TMC1: variants seen among roughly 807,000 people sequenced by gnomAD.
TMC1 encodes transmembrane channel-like protein 1.
In TMC1, 84 loss-of-function variants were observed where a neutral mutation model predicts 105.8. That is an observed-to-expected ratio of 0.79 (90% CI 0.67 to 0.95). TMC1 has a LOEUF of 0.95. TMC1 is among the 40% of genes least tolerant of loss of function. The pLI is 0.00. For missense variants in TMC1, 817 were observed against 914.1 expected (o/e 0.89, Z 1.37); for synonymous variants, 315 against 311.5 (o/e 1.01, Z -0.12).
intron 15 of TMC1, among the ~76,000 whole-genome samples, chr9:72,790,870 A>AATAT (rs1828255249): frequency 6.6e-6 from 1 of 152,166 alleles, no homozygotes; most frequent in Admixed American, 6.5e-5. Context: ...ATACTTATAT[A>AATAT]ATGTTTTAAT....
At chr9:72,583,855 A>G (rs1413261237) in intron 2 of TMC1, among the ~76,000 whole-genome samples, 2 of 116,238 alleles carry the variant, frequency 1.7e-5, no homozygotes, top group African/African-American at 4.9e-5. Context: ...TGAAATTATT[A>G]TGGAAAAAGT....
intron 12 of TMC1, among the ~76,000 whole-genome samples, chr9:72,760,267 A>C (rs970276589): frequency 1.3e-5 from 2 of 152,164 alleles, no homozygotes; most frequent in African/African-American, 4.8e-5. Flanking sequence ...TCCTCTGAAC[A>C]ATGACTTCAT....
At chr9:72,796,716 C>A (rs1828377210) in intron 17 of TMC1, among the ~76,000 whole-genome samples, 1 of 152,148 alleles carries the variant, frequency 6.6e-6, no homozygotes, top group East Asian at 1.9e-4. Flanking sequence ...ATTGAAGGAA[C>A]ATACCTCAAA....
chr9:72,598,146 C>T (rs1564434589), intron 2 of TMC1, among the ~76,000 whole-genome samples: 1 of 152,176 alleles, frequency 6.6e-6, no homozygotes, highest in African/African-American at 2.4e-5. Context: ...TGGCTATCAT[C>T]TTTTGCTTTC....
chr9:72,700,221 A>C (rs113342296), intron 7 of TMC1, among the ~76,000 whole-genome samples: 48 of 151,434 alleles, frequency 3.2e-4, no homozygotes, highest in African/African-American at 1.1e-3. Context: ...ATTGCACTAC[A>C]GCCTGGGTGA....
rs184331510 is a variant in TMC1 at position 72,717,021 on chromosome 9, C to T, written c.362+16378C>T. Among the ~76,000 whole-genome samples the T allele has an allele frequency of 2.2e-3, 342 of 152,304 alleles. 2 individuals are homozygous for T. Among genetic ancestry groups the T allele is most frequent in the African/African-American group, 8.1e-3 (335 of 41,572 alleles). On this transcript the variant is annotated intron_variant, in intron 8 of 23. Transcript: ENST00000297784. ...TCCCTTGGCTAGGAGAGGGAGTTCC[C>T]TGATCCCTTGCACTTCCTGGGTGAG...
intron 1 of TMC1, among the ~76,000 whole-genome samples, chr9:72,552,428 G>T (rs1221643865): frequency 6.6e-6 from 1 of 152,162 alleles, no homozygotes; most frequent in Non-Finnish European, 1.5e-5. Flanking sequence ...GGATAGAGGA[G>T]TCTGGAGACC....
At chr9:72,664,695 C>T (rs1355714971) in intron 5 of TMC1, among the ~76,000 whole-genome samples, 2 of 152,156 alleles carry the variant, frequency 1.3e-5, no homozygotes, top group African/African-American at 4.8e-5. Flanking sequence ...TCTCTCACTC[C>T]ATCCCCTTTC....
rs143704816 is a variant in TMC1, at chr9:72,612,023, G to C, written c.-305-4345G>C. Among the ~76,000 whole-genome samples, 284 of 152,230 alleles carry C rather than the reference G, an allele frequency of 1.9e-3. 8 individuals are homozygous for C. The East Asian group carries it at 0.051, about 27-fold the overall frequency. On this transcript the variant is annotated intron_variant, in intron 2 of 23. Transcript: ENST00000297784. ...TGGGCTGCTTTGCCCTCCTGCTTCT[G>C]TTTGGATTTTGCCCTTGGGGAGCAC... is the stretch of plus-strand genomic sequence containing the variant.
intron 5 of TMC1, among the ~76,000 whole-genome samples, chr9:72,681,281 T>A (rs1231728862): frequency 6.6e-6 from 1 of 152,114 alleles, no homozygotes; most frequent in Non-Finnish European, 1.5e-5. Flanking sequence ...GTTCCCTCCC[T>A]CAAACAATCT....
At chr9:72,788,241 C>T in intron 13 of TMC1, 98 bp from the exon 14 acceptor site, 11 of 1,268,066 alleles carry the variant, frequency 8.7e-6, no homozygotes, top group Admixed American at 1.8e-5. Flanking sequence ...TGTCTTTTTG[C>T]TATTGCTTCT....
intron 1 of TMC1, among the ~76,000 whole-genome samples, chr9:72,529,309 C>T (rs1029084453): frequency 7.2e-5 from 11 of 151,940 alleles, no homozygotes; most frequent in Admixed American, 5.2e-4. Flanking sequence ...TATTCAAGCC[C>T]GGTGTGGTGG....
chr9:72,790,315 A>G (rs1828246010), intron 15 of TMC1, among the ~76,000 whole-genome samples: 1 of 152,226 alleles, frequency 6.6e-6, no homozygotes, highest in Non-Finnish European at 1.5e-5. Flanking sequence ...AAAGGTTCCA[A>G]ATAACATTCT....
chr9:72,708,548 A>C (rs982978593), intron 8 of TMC1, among the ~76,000 whole-genome samples: 1 of 151,146 alleles, frequency 6.6e-6, no homozygotes. Flanking sequence ...GGGGTTGAAT[A>C]GTTGATTTGA....
At chr9:72,657,980 G>T (rs1259163273) in intron 5 of TMC1, among the ~76,000 whole-genome samples, 1 of 152,008 alleles carries the variant, frequency 6.6e-6, no homozygotes, top group Non-Finnish European at 1.5e-5. Context: ...TCAGGCTGTG[G>T]TATGGGGAAA....
intron 5 of TMC1, among the ~76,000 whole-genome samples, chr9:72,663,399 A>G (rs1300085401): frequency 6.6e-6 from 1 of 152,184 alleles, no homozygotes; most frequent in Non-Finnish European, 1.5e-5. Context: ...GAAGTTGCAA[A>G]TCTTGTGGCT....
At position 72,714,470 on chromosome 9, in the gene TMC1, T is replaced by C. The variant is rs1418037533; in HGVS notation, c.362+13827T>C. 2.0e-5 allele frequency among the ~76,000 whole-genome samples: 3 copies of C among 152,250 alleles called. No individual in the cohort carries two copies. The South Asian group carries it at 6.2e-4, about 31-fold the overall frequency. ...CTCCTGTATTGGGTGCATATATATTTAGGATAGTTAGCTCTTCTTGTTGCA... is the reference window on the plus strand; with the variant it reads ...CTCCTGTATTGGGTGCATATATATTCAGGATAGTTAGCTCTTCTTGTTGCA... On this transcript the variant is annotated intron_variant, in intron 8 of 23. Transcript: ENST00000297784.
intron 2 of TMC1, among the ~76,000 whole-genome samples, chr9:72,615,208 C>T (rs1024048405): frequency 2.0e-5 from 3 of 152,096 alleles, no homozygotes; most frequent in Non-Finnish European, 4.4e-5. Flanking sequence ...AAACAACTTA[C>T]ATGTATTACT....
At chr9:72,774,666 A>G (rs1827980232) in intron 13 of TMC1, among the ~76,000 whole-genome samples, 1 of 152,126 alleles carries the variant, frequency 6.6e-6, no homozygotes, top group Non-Finnish European at 1.5e-5. Flanking sequence ...TCTGGCATGG[A>G]CCTTTGGCTG....
Sources: gnomAD v4.1 joint callset for allele counts (sites outside exome capture counted in the v4.1 genomes callset) on GRCh38, gnomAD v4.1.1 for gene constraint, MANE v1.5 for transcripts, NCBI Gene and HGNC (gene_info 2026-07-23, HGNC 2026-07-21) for gene names.